NRG1: variants seen among roughly 807,000 people sequenced by gnomAD.
NRG1 encodes pro-neuregulin-1, membrane-bound isoform.
In NRG1, 18 loss-of-function variants were observed where a neutral mutation model predicts 63.8. That is an observed-to-expected ratio of 0.28 (90% CI 0.19 to 0.42). The LOEUF (loss-of-function observed/expected upper bound fraction) is 0.42. NRG1 is among the 10% of genes least tolerant of loss of function. The pLI, the probability that NRG1 is intolerant of heterozygous loss-of-function variation, is 1.00. For missense variants in NRG1, 762 were observed against 814.7 expected (o/e 0.94, Z 0.79); for synonymous variants, 302 against 301.3 (o/e 1.00, Z -0.02).
intron 1 of NRG1, among the ~76,000 whole-genome samples, chr8:32,408,049 T>C (rs890792103): frequency 5.3e-5 from 8 of 152,286 alleles, no homozygotes; most frequent in African/African-American, 1.9e-4. Context: ...TGTCAGTGAG[T>C]GCTCCCTGGG....
chr8:32,137,995 A>T (rs1201714065), intron 1 of NRG1, among the ~76,000 whole-genome samples: 1 of 152,130 alleles, frequency 6.6e-6, no homozygotes, highest in African/African-American at 2.4e-5. Context: ...GATCCTTTTG[A>T]TGTTGAAGCG....
At position 32,426,435 on chromosome 8, in the gene NRG1, T is replaced by C. The variant is rs554061179; in HGVS notation, c.38-169393T>C. Among the ~76,000 whole-genome samples, 7 of 152,356 alleles carry C rather than the reference T, an allele frequency of 4.6e-5. No homozygotes were observed. In the South Asian group the frequency reaches 1.2e-3, roughly 27 times the overall value. ...AACTTTTCTGACGCAAAATATTGTG[T>C]AATTCATAAACAATTCCTTGTGTTT... On this transcript the variant is annotated intron_variant, in intron 1 of 10. Transcript: ENST00000519301.
At chr8:32,464,502 A>T (rs1822808244) in intron 1 of NRG1, among the ~76,000 whole-genome samples, 2 of 152,140 alleles carry the variant, frequency 1.3e-5, no homozygotes, top group African/African-American at 4.8e-5. Flanking sequence ...GAGTTCATGA[A>T]CACAGAGATG....
chr8:32,128,819 A>G (rs1017493769), intron 1 of NRG1, among the ~76,000 whole-genome samples: 3 of 151,944 alleles, frequency 2.0e-5, no homozygotes, highest in African/African-American at 7.2e-5. Flanking sequence ...TGTGCCTTTC[A>G]TCTCTGACCA....
At chr8:32,690,757 A>G (rs1811381515) in intron 5 of NRG1, among the ~76,000 whole-genome samples, 1 of 152,146 alleles carries the variant, frequency 6.6e-6, no homozygotes, top group East Asian at 1.9e-4. Context: ...AACCTTGAGC[A>G]GAGTGACTCT....
At chr8:31,889,051 T>C (rs1422682030) in intron 1 of NRG1, among the ~76,000 whole-genome samples, 1 of 152,140 alleles carries the variant, frequency 6.6e-6, no homozygotes, top group Non-Finnish European at 1.5e-5. Context: ...AAATATTTAA[T>C]GGTTGAAATA....
intron 1 of NRG1, among the ~76,000 whole-genome samples, chr8:32,272,567 T>C (rs972475273): frequency 1.3e-5 from 2 of 152,074 alleles, no homozygotes; most frequent in African/African-American, 2.4e-5. Flanking sequence ...ACATTTCCAT[T>C]TGAGGCAGGT....
intron 5 of NRG1, among the ~76,000 whole-genome samples, chr8:32,617,799 G>T (rs1369506238): frequency 6.6e-6 from 1 of 152,138 alleles, no homozygotes; most frequent in Admixed American, 6.6e-5. Context: ...CTCATGAAAA[G>T]AAAGTCTGTC....
At chr8:32,223,899 G>C (rs1846069507) in intron 1 of NRG1, among the ~76,000 whole-genome samples, 1 of 152,142 alleles carries the variant, frequency 6.6e-6, no homozygotes, top group African/African-American at 2.4e-5. Flanking sequence ...AGGGAGAAGA[G>C]AAAATAAGCA....
At chr8:32,243,655 C>T (rs558695060) in intron 1 of NRG1, among the ~76,000 whole-genome samples, 11 of 152,004 alleles carry the variant, frequency 7.2e-5, no homozygotes, top group Non-Finnish European at 1.3e-4. Flanking sequence ...ACTTCATACG[C>T]AATGCTGTGG....
At chr8:31,856,786 T>C (rs967030984) in intron 1 of NRG1, among the ~76,000 whole-genome samples, 12 of 152,190 alleles carry the variant, frequency 7.9e-5, no homozygotes, top group East Asian at 5.8e-4. Context: ...TACAGATGGG[T>C]TTTTGGTGTG....
intron 1 of NRG1, among the ~76,000 whole-genome samples, chr8:32,281,036 G>A (rs745398793): frequency 1.1e-4 from 17 of 151,544 alleles, no homozygotes; most frequent in African/African-American, 1.7e-4. Context: ...TGGGATTACA[G>A]GCATGAGCCT....
chr8:32,315,200 C>G (rs968095609), intron 1 of NRG1, among the ~76,000 whole-genome samples: 4 of 152,164 alleles, frequency 2.6e-5, no homozygotes, highest in African/African-American at 7.2e-5. Flanking sequence ...ATATTAAGCC[C>G]CACACGCATT....
intron 1 of NRG1, among the ~76,000 whole-genome samples, chr8:31,787,948 A>G (rs1310015364): frequency 6.6e-6 from 1 of 152,088 alleles, no homozygotes; most frequent in Admixed American, 6.6e-5. Context: ...ATATATTTTA[A>G]CTCATTTAAT....
chr8:32,512,343 C>T (rs1158700299), intron 1 of NRG1, among the ~76,000 whole-genome samples: 1 of 152,178 alleles, frequency 6.6e-6, no homozygotes, highest in Non-Finnish European at 1.5e-5. Context: ...TTAATCATAA[C>T]TTACTAAACT....
At chr8:31,895,296 A>C (rs1039754280) in intron 1 of NRG1, among the ~76,000 whole-genome samples, 1 of 152,242 alleles carries the variant, frequency 6.6e-6, no homozygotes, top group African/African-American at 2.4e-5. Context: ...TGTGTTACCC[A>C]CAACTTGGCA....
intron 1 of NRG1, among the ~76,000 whole-genome samples, chr8:31,913,320 G>C (rs994877326): frequency 3.3e-5 from 5 of 151,888 alleles, no homozygotes; most frequent in African/African-American, 4.8e-5. Flanking sequence ...TTCAAAGTAG[G>C]AAAAAGGGAA....
intron 1 of NRG1, among the ~76,000 whole-genome samples, chr8:32,019,826 A>G (rs944963911): frequency 6.6e-5 from 10 of 152,286 alleles, no homozygotes; most frequent in African/African-American, 1.9e-4. Flanking sequence ...TGCAGTGGTG[A>G]CTATATCATA....
At chr8:31,991,064 C>A (rs1389675666) in intron 1 of NRG1, among the ~76,000 whole-genome samples, 1 of 152,020 alleles carries the variant, frequency 6.6e-6, no homozygotes, top group Non-Finnish European at 1.5e-5. Context: ...TTAATAGCCT[C>A]CATCACTGTC....
Sources: gnomAD v4.1 joint callset for allele counts (sites outside exome capture counted in the v4.1 genomes callset) on GRCh38, gnomAD v4.1.1 for gene constraint, MANE v1.5 for transcripts, NCBI Gene and HGNC (gene_info 2026-07-23, HGNC 2026-07-21) for gene names.